The following PLEKHA4 variants were observed in gnomAD, a reference collection of about 807,000 sequenced individuals.
The protein encoded by PLEKHA4 is pleckstrin homology domain-containing family A member 4.
In PLEKHA4, 73 loss-of-function variants were observed where a neutral mutation model predicts 94.7. The ratio of observed to expected loss-of-function variants is 0.77; its 90% CI spans 0.64 to 0.94. PLEKHA4 has a LOEUF of 0.94. Among genes scored for constraint, PLEKHA4 ranks in the 40% least tolerant of loss-of-function variants. The pLI is 0.00. For missense variants in PLEKHA4, 1,049 were observed against 1,054.1 expected (o/e 1.00, Z 0.07); for synonymous variants, 449 against 437.1 (o/e 1.03, Z -0.34).
At chr19:48,847,404 C>T (rs2036005792) in intron 14 of PLEKHA4, among the ~76,000 whole-genome samples, 1 of 152,108 alleles carries the variant, frequency 6.6e-6, no homozygotes, top group South Asian at 2.1e-4. Context: ...CCACTGCAGT[C>T]CAGCCTGGGC....
intron 3 of PLEKHA4, among the ~76,000 whole-genome samples, chr19:48,863,159 G>A (rs1440149100): frequency 6.6e-6 from 1 of 152,154 alleles, no homozygotes. Context: ...AAAATTATAA[G>A]TTAGATCACG....
In PLEKHA4 at chr19:48,845,377, C is replaced by G. The variant is rs1434421366; in HGVS notation, c.1736G>C (p.Gly579Ala). The G allele has an allele frequency of 3.1e-6, 5 of 1,612,802 alleles. No individual in the cohort carries two copies. In the East Asian group the frequency reaches 1.1e-4, roughly 36 times the overall value. ...GATGGACCTACAGCTTACCTTGGTTCCTAGCTGTGGGGAAGGGAGGTGGCG... is the reference window on the plus strand; with the variant it reads ...GATGGACCTACAGCTTACCTTGGTTGCTAGCTGTGGGGAAGGGAGGTGGCG... ...EGRHLPSPQL[G>A]TKAPVARPRM... The change falls in exon 16 of 20, where the codon GGA (glycine) becomes GCA (alanine). Residue 579 changes from glycine (G) to alanine (A), a missense_variant. Coordinates refer to ENST00000263265, the MANE Select transcript of PLEKHA4 (RefSeq NM_020904.3).
At chr19:48,860,702 G>C (rs968446180) in intron 5 of PLEKHA4, among the ~76,000 whole-genome samples, 1 of 152,062 alleles carries the variant, frequency 6.6e-6, no homozygotes, top group Non-Finnish European at 1.5e-5. Context: ...AGCTACCGGG[G>C]AGACTGAGGC....
chr19:48,850,976 A>C (rs1249329423), intron 13 of PLEKHA4, among the ~76,000 whole-genome samples: 1 of 150,862 alleles, frequency 6.6e-6, no homozygotes, highest in African/African-American at 2.4e-5. Flanking sequence ...CCCCCTCTCT[A>C]CCGAAAATAG....
chr19:48,859,410 C>T, intron 7 of PLEKHA4, 59 bp downstream of exon 7: 1 of 1,577,150 alleles, frequency 6.3e-7, no homozygotes, highest in Non-Finnish European at 8.7e-7. Flanking sequence ...CGCCCCCAAC[C>T]AGTTTCCGGC....
Position 48,841,366 on chromosome 19 carries a change from G to A in PLEKHA4, c.1744-56C>T, listed in dbSNP as rs969488449. The stretch of plus-strand genomic sequence containing the variant: ...ACCTTTAGGCCAGGCACAGTGGCTC[G>A]TGTAATCCCAGCACTTTTGGGAGGC... On this transcript the variant is annotated intron_variant, in intron 16 of 19. Coordinates refer to ENST00000263265, the MANE Select transcript of PLEKHA4 (RefSeq NM_020904.3). The A allele has an allele frequency of 2.1e-5, 32 of 1,512,084 alleles. No individual in the cohort carries two copies. In the East Asian group the frequency reaches 5.8e-4, roughly 27 times the overall value. The allele number at this position is 1,512,084 out of a possible 1,614,324, so 93.7% of individuals were successfully genotyped here.
chr19:48,865,461 G>A (rs1202277142), intron 3 of PLEKHA4, 42 bp downstream of exon 3: 13 of 1,487,978 alleles, frequency 8.7e-6, no homozygotes, highest in East Asian at 2.3e-5. Flanking sequence ...GACAGCCGGG[G>A]CACAGACTTC....
At chr19:48,848,292 C>T (rs984697382) in intron 13 of PLEKHA4, among the ~76,000 whole-genome samples, 8 of 148,212 alleles carry the variant, frequency 5.4e-5, no homozygotes, top group African/African-American at 2.0e-4. Flanking sequence ...CGAGACCATC[C>T]CGGCTAAAAC....
intron 3 of PLEKHA4, among the ~76,000 whole-genome samples, chr19:48,865,195 T>C (rs1351727153): frequency 6.6e-6 from 1 of 151,836 alleles, no homozygotes; most frequent in Non-Finnish European, 1.5e-5. Flanking sequence ...AATACAAATA[T>C]TAGCTAGGCA....
rs550280506 is a variant in PLEKHA4, at chr19:48,844,636, A to T, written c.1743+734T>A. The T allele has an allele frequency of 5.6e-5, 55 of 985,188 alleles. 1 individual carries two copies. The South Asian group carries it at 2.2e-3, about 40-fold the overall frequency. The allele number at this position is 985,188 out of a possible 1,614,324, so 61.0% of individuals were successfully genotyped here. A position where few individuals can be genotyped will look rare whatever the true frequency, so the allele number is the denominator to read the frequency against. ...CCGTACTTCTGAAAATCAGCCAATC[A>T]TTGATAGCTCCATGCTTCTGAAAAC... On this transcript the variant is annotated intron_variant, in intron 16 of 19. Coordinates refer to ENST00000263265, the MANE Select transcript of PLEKHA4 (RefSeq NM_020904.3).
intron 6 of PLEKHA4, 116 bp from the exon 7 acceptor site, chr19:48,859,800 A>C: frequency 7.8e-6 from 7 of 902,832 alleles, no homozygotes; most frequent in Non-Finnish European, 1.2e-5. Context: ...TGCACTATAA[A>C]TCATCGTCCC....
intron 14 of PLEKHA4, among the ~76,000 whole-genome samples, 176 bp downstream of exon 14, chr19:48,847,721 GACT>G (rs1366095068): frequency 6.6e-6 from 1 of 152,154 alleles, no homozygotes; most frequent in African/African-American, 2.4e-5. Context: ...GACAGAGTGA[GACT>G]ACGTCTCAAA....
chr19:48,849,064 T>G (rs1230555785), intron 13 of PLEKHA4, among the ~76,000 whole-genome samples: 1 of 150,092 alleles, frequency 6.7e-6, no homozygotes, highest in Non-Finnish European at 1.5e-5. Context: ...CAGGCCCAGC[T>G]AATTTTTTCA....
intron 14 of PLEKHA4, 150 bp downstream of exon 14, chr19:48,847,750 A>G (rs1217041651): frequency 3.2e-6 from 3 of 940,736 alleles, no homozygotes; most frequent in Non-Finnish European, 4.3e-6. Flanking sequence ...CCCCGAAAAA[A>G]AAGAAAACAA....
In PLEKHA4 at chr19:48,853,692, T is replaced by C; in HGVS notation, c.1316A>G (p.His439Arg). Reference protein sequence around the residue: ...RLVSVRATLCHLTQERERVWD... With the variant: ...RLVSVRATLCRLTQERERVWD... ...TTCCCAGGTGCTCACCTGAGTCAAGTGACAGAGGGTGGCCCTCACACTGAC... is the reference window on the plus strand; with the variant it reads ...TTCCCAGGTGCTCACCTGAGTCAAGCGACAGAGGGTGGCCCTCACACTGAC... Residue 439 changes from histidine to arginine, a missense_variant, in exon 12 of 20, where the codon CAC becomes CGC. By Grantham distance (29) the His-to-Arg change is conservative. Transcript: ENST00000263265. 6.3e-7 allele frequency: 1 copy of C among 1,579,190 alleles called. No individual in the cohort carries two copies. The highest frequency in any genetic ancestry group is 8.6e-7 in the Non-Finnish European group (1 of 1,165,510).
chr19:48,857,967 A>G (rs1046344816), intron 8 of PLEKHA4, among the ~76,000 whole-genome samples: 2 of 152,160 alleles, frequency 1.3e-5, no homozygotes, highest in African/African-American at 4.8e-5. Flanking sequence ...CTTAGTGACA[A>G]ATAGTAGAGT....
At chr19:48,863,913 A>G (rs2036740313) in intron 3 of PLEKHA4, among the ~76,000 whole-genome samples, 2 of 152,126 alleles carry the variant, frequency 1.3e-5, no homozygotes, top group Admixed American at 1.3e-4. Context: ...GAAGGTGCAT[A>G]AGAATCACCA....
rs539921778 is a variant in PLEKHA4, at chr19:48,865,656, G to A, written c.85-46C>T. The A allele has an allele frequency of 1.0e-5, 14 of 1,393,818 alleles. No individual in the cohort carries two copies. The East Asian group carries it at 3.0e-4, about 30-fold the overall frequency. The allele number at this position is 1,393,818 out of a possible 1,614,324, so 86.3% of individuals were successfully genotyped here. ...AAGTGAACAGGGAGAGCCTAGGATG[G>A]TCCTGGGAGGGGGTGAGGGTGGACA... On this transcript the variant is annotated intron_variant, in intron 2 of 19. Coordinates refer to ENST00000263265, the MANE Select transcript of PLEKHA4 (RefSeq NM_020904.3).
In PLEKHA4 at chr19:48,845,412, G is replaced by A. The variant is rs375094757; in HGVS notation, c.1701C>T (p.Ser567=). The part of the protein sequence containing the change: ...LGSPRVSRAS[S]PEGRHLPSPQ... Reference sequence around the variant, plus strand: ...GGGAAGGGAGGTGGCGACCCTCAGGGCTGGAAGCCCGGGAGACCCTCGGAG... The same window carrying A: ...GGGAAGGGAGGTGGCGACCCTCAGGACTGGAAGCCCGGGAGACCCTCGGAG... Residue 567 remains serine, a synonymous_variant, in exon 16 of 20, where the codon AGC becomes AGT. Coordinates refer to ENST00000263265, the MANE Select transcript of PLEKHA4 (RefSeq NM_020904.3). The A allele has an allele frequency of 3.7e-5, 59 of 1,613,686 alleles. 1 individual carries two copies. The East Asian group carries it at 5.1e-4, about 14-fold the overall frequency.
Sources: gnomAD v4.1 joint callset for allele counts (sites outside exome capture counted in the v4.1 genomes callset) on GRCh38, gnomAD v4.1.1 for gene constraint, MANE v1.5 for transcripts, NCBI Gene and HGNC (gene_info 2026-07-23, HGNC 2026-07-21) for gene names.